The following FEZ2 variants were observed in gnomAD, a reference collection of about 807,000 sequenced individuals.
FEZ2 encodes fasciculation and elongation protein zeta-2.
Under a neutral mutation model 40.4 loss-of-function variants are expected in FEZ2, and 51 were observed. That is an observed-to-expected ratio of 1.26 (90% CI 1.01 to 1.59). The LOEUF (loss-of-function observed/expected upper bound fraction) is 1.59. Ranked by LOEUF, FEZ2 falls within the 40% of genes most tolerant of loss-of-function variation. The probability of loss-of-function intolerance (pLI) is 0.00; values close to 1 mark genes in which losing one functional copy is unlikely to be tolerated. For synonymous variants in FEZ2, 242 were observed against 172.0 expected (o/e 1.41, Z -3.18); for missense variants, 640 against 438.3 (o/e 1.46, Z -4.11).
intron 5 of FEZ2, among the ~76,000 whole-genome samples, chr2:36,571,464 C>T (rs1467207985): frequency 1.3e-5 from 2 of 149,698 alleles, no homozygotes; most frequent in African/African-American, 4.9e-5. Context: ...AGTTCAAGAC[C>T]ATCCTGGCCA....
intron 5 of FEZ2, 87 bp from the exon 6 acceptor site, chr2:36,558,600 T>C: frequency 1.5e-6 from 1 of 659,722 alleles, no homozygotes; most frequent in Non-Finnish European, 2.5e-6. Context: ...AAGGTCTATC[T>C]GATAATATAA....
intron 7 of FEZ2, 44 bp downstream of exon 7, chr2:36,555,639 T>C (rs1029006801): frequency 7.0e-6 from 8 of 1,150,528 alleles, no homozygotes; most frequent in Non-Finnish European, 1.0e-5. Context: ...TACTGACTAA[T>C]CCAAACCTCC....
intron 2 of FEZ2, chr2:36,590,154 G>A (rs1669024331): frequency 6.6e-6 from 1 of 152,172 alleles, no homozygotes; most frequent in South Asian, 2.1e-4. Flanking sequence ...CCCAAGAAAG[G>A]TAAGTTAGCC....
chr2:36,597,890 G>A lies in FEZ2; in HGVS notation c.253C>T (p.Leu85=), dbSNP rs895992892. Residue 85 remains leucine (L), a synonymous_variant, in exon 1 of 8, where the codon CTG becomes TTG. Coordinates refer to ENST00000405912, the MANE Select transcript of FEZ2 (RefSeq NM_005102.3). ...AVRPITERSL[L]QGDEIWNALT... ...CCCCGCACTCACTCGTCCCCCTGCA[G>A]GAGGCTGCGCTCCGTGATGGGCCGC... is the stretch of plus-strand genomic sequence containing the variant. 7.2e-6 allele frequency: 10 copies of A among 1,383,830 alleles called. No homozygotes were observed. The highest frequency in any genetic ancestry group is 9.3e-6 in the Non-Finnish European group (10 of 1,075,868). The allele number at this position is 1,383,830 out of a possible 1,614,324, so 85.7% of individuals were successfully genotyped here.
chr2:36,577,412 C>A (rs187912255), intron 5 of FEZ2, among the ~76,000 whole-genome samples: 80 of 152,286 alleles, frequency 5.3e-4, no homozygotes, highest in Admixed American at 4.1e-3. Flanking sequence ...CATGCAGCAC[C>A]ACACCCGGCT....
intron 5 of FEZ2, among the ~76,000 whole-genome samples, chr2:36,576,857 C>G (rs946259086): frequency 1.2e-4 from 19 of 152,192 alleles, no homozygotes; most frequent in African/African-American, 4.1e-4. Context: ...AGTTACAAAA[C>G]GAAGCCTTTA....
chr2:36,559,623 C>T (rs60118292), intron 5 of FEZ2, among the ~76,000 whole-genome samples: 88 of 152,320 alleles, frequency 5.8e-4, no homozygotes, highest in African/African-American at 2.0e-3. Flanking sequence ...ATTGTATAAT[C>T]GAATGTTTCT....
At chr2:36,587,027 C>A (rs1482573221) in intron 2 of FEZ2, among the ~76,000 whole-genome samples, 1 of 152,142 alleles carries the variant, frequency 6.6e-6, no homozygotes, top group African/African-American at 2.4e-5. Flanking sequence ...AAGATGCATA[C>A]AAAAGTCCCT....
intron 4 of FEZ2, 130 bp from the exon 5 acceptor site, chr2:36,578,995 A>T: frequency 1.4e-6 from 1 of 733,016 alleles, no homozygotes; most frequent in South Asian, 1.9e-5. Flanking sequence ...ATCATATTCC[A>T]AGCAATTAAA....
chr2:36,588,548 T>C (rs1424080807), intron 2 of FEZ2, among the ~76,000 whole-genome samples: 2 of 152,134 alleles, frequency 1.3e-5, no homozygotes, highest in Non-Finnish European at 2.9e-5. Context: ...AATCTGCAGA[T>C]GCTCAAGTCC....
chr2:36,563,887 T>C (rs773901752), intron 5 of FEZ2, among the ~76,000 whole-genome samples: 2 of 152,180 alleles, frequency 1.3e-5, no homozygotes, highest in Non-Finnish European at 2.9e-5. Flanking sequence ...CCTCCTGCTC[T>C]CTAGTTGCTT....
rs1452950356 is a variant in FEZ2, at chr2:36,578,760, T to C, written c.740A>G (p.Asp247Gly). Residue 247 changes from aspartate (D) to glycine (G), a missense_variant, in exon 5 of 8, where the codon GAT becomes GGT. Coordinates refer to ENST00000405912, the MANE Select transcript of FEZ2 (RefSeq NM_005102.3). ...EELVQQLALR[D>G]ELEFEKEVKN... ...CACTTCCTTTTCAAACTCCAGTTCA[T>C]CTCGTAAAGCCAACTGCTGCACCAG... The C allele has an allele frequency of 6.2e-7, 1 of 1,614,032 alleles. No homozygotes were observed. Among genetic ancestry groups the C allele is most frequent in the Non-Finnish European group, 8.5e-7 (1 of 1,179,896 alleles).
At chr2:36,592,180 G>T (rs930586208) in intron 1 of FEZ2, among the ~76,000 whole-genome samples, 100 of 152,254 alleles carry the variant, frequency 6.6e-4, no homozygotes, top group African/African-American at 2.3e-3. Context: ...TGTTTATTAG[G>T]TATCTAATTG....
At chr2:36,585,812 T>G (rs1668884218) in intron 2 of FEZ2, among the ~76,000 whole-genome samples, 1 of 152,186 alleles carries the variant, frequency 6.6e-6, no homozygotes, top group African/African-American at 2.4e-5. Flanking sequence ...GAGGGTATAG[T>G]GTCAGGGATT....
intron 5 of FEZ2, among the ~76,000 whole-genome samples, chr2:36,573,162 C>G (rs1200922832): frequency 6.6e-6 from 1 of 152,132 alleles, no homozygotes; most frequent in Non-Finnish European, 1.5e-5. Flanking sequence ...AAAAGACTAT[C>G]GATTCCTATC....
Position 36,581,329 on chromosome 2 carries a change from G to T in FEZ2, c.595C>A (p.Gln199Lys). 1 of 1,613,812 alleles carries T rather than the reference G, an allele frequency of 6.2e-7. No homozygotes were observed. The highest frequency in any genetic ancestry group is 8.5e-7 in the Non-Finnish European group (1 of 1,179,774). The change falls in exon 4 of 8, where the codon CAA (glutamine) becomes AAA (lysine). Residue 199 changes from glutamine to lysine, a missense_variant. Transcript: ENST00000405912. ...CCGGTACTAGACCTCTTGAGAGTTT[G>T]AATTTCCTGGGAAAGCATTGAAAGC... ...DRLSMLSQEI[Q>K]TLKRSSTGSY...
At chr2:36,569,686 C>T (rs1668353175) in intron 5 of FEZ2, among the ~76,000 whole-genome samples, 1 of 152,170 alleles carries the variant, frequency 6.6e-6, no homozygotes, top group Non-Finnish European at 1.5e-5. Flanking sequence ...AAAGCAACAT[C>T]CAAGACAGGG....
chr2:36,574,709 G>A (rs944061278), intron 5 of FEZ2, among the ~76,000 whole-genome samples: 1 of 151,730 alleles, frequency 6.6e-6, no homozygotes, highest in Non-Finnish European at 1.5e-5. Context: ...TCCAGAAGAA[G>A]AGCATTGAAT....
chr2:36,581,811 A>T (rs1668758579), intron 3 of FEZ2, among the ~76,000 whole-genome samples: 1 of 152,206 alleles, frequency 6.6e-6, no homozygotes, highest in Non-Finnish European at 1.5e-5. Context: ...AAAATTTACC[A>T]TAGACATACA....
Sources: gnomAD v4.1 joint callset for allele counts (sites outside exome capture counted in the v4.1 genomes callset) on GRCh38, gnomAD v4.1.1 for gene constraint, MANE v1.5 for transcripts, NCBI Gene and HGNC (gene_info 2026-07-23, HGNC 2026-07-21) for gene names.